Variants in ZC3H12B observed in about 807,000 individuals in gnomAD.
ZC3H12B encodes the protein zinc finger CCCH-type containing 12B, also known as probable ribonuclease ZC3H12B.
In ZC3H12B, 7 loss-of-function variants were observed where a neutral mutation model predicts 43.9. The observed-to-expected ratio is 0.16, with a 90% CI of 0.09 to 0.30. The LOEUF (loss-of-function observed/expected upper bound fraction) is 0.30. Among genes scored for constraint, ZC3H12B ranks in the 10% least tolerant of loss-of-function variants. The probability of loss-of-function intolerance (pLI) is 1.00; values close to 1 mark genes in which losing one functional copy is unlikely to be tolerated. For missense variants in ZC3H12B, 475 were observed against 670.2 expected, an observed-to-expected ratio of 0.71 and a Z score of 3.22; for synonymous variants, 222 against 241.7, an observed-to-expected ratio of 0.92 and a Z score of 0.76.
chrX:65,213,877 C>T, the ZC3H12B span, among the ~76,000 whole-genome samples: 3 of 101,475 alleles, frequency 3.0e-5, no homozygotes, highest in Non-Finnish European at 5.9e-5. Context: ...TTGAAGGCAA[C>T]GTAAAAAAAA....
intron 3 of ZC3H12B, among the ~76,000 whole-genome samples, chrX:65,431,674 C>T (rs1161092093): frequency 1.8e-5 from 2 of 112,297 alleles, no homozygotes; most frequent in Non-Finnish European, 1.9e-5. Context: ...CATTCTTTGC[C>T]CATTCCGAGA....
the ZC3H12B span, among the ~76,000 whole-genome samples, chrX:65,311,658 G>T: frequency 9.0e-6 from 1 of 111,589 alleles, no homozygotes; most frequent in South Asian, 3.8e-4. Flanking sequence ...ATACCCAAAG[G>T]ATTATAAATC....
At chrX:65,395,517 T>G (rs1006518438) in intron 2 of ZC3H12B, among the ~76,000 whole-genome samples, 15 of 112,526 alleles carry the variant, frequency 1.3e-4, no homozygotes, top group African/African-American at 4.8e-4. Flanking sequence ...ATTTATTGAT[T>G]TGCATATGTT....
chrX:65,319,630 C>T, the ZC3H12B span, among the ~76,000 whole-genome samples: 1 of 111,063 alleles, frequency 9.0e-6, no homozygotes, highest in Non-Finnish European at 1.9e-5. Context: ...AAAAAGGAAA[C>T]ATCAGGCCAA....
the ZC3H12B span, among the ~76,000 whole-genome samples, chrX:65,217,153 G>T: frequency 8.9e-6 from 1 of 111,906 alleles, no homozygotes; most frequent in Non-Finnish European, 1.9e-5. Flanking sequence ...ACTTTGTCTG[G>T]GAACCCAGGG....
the ZC3H12B span, among the ~76,000 whole-genome samples, chrX:65,197,032 C>T: frequency 8.9e-6 from 1 of 112,007 alleles, no homozygotes. Flanking sequence ...AAAAGAAAGG[C>T]TTGGCAGCAG....
chrX:65,159,883 G>T, the ZC3H12B span, among the ~76,000 whole-genome samples: 1 of 111,631 alleles, frequency 9.0e-6, no homozygotes, highest in Non-Finnish European at 1.9e-5. Context: ...CATTCAGTAT[G>T]ATATTGGCTG....
chrX:65,379,767 C>T (rs1455256728), intron 2 of ZC3H12B, among the ~76,000 whole-genome samples: 1 of 111,981 alleles, frequency 8.9e-6, no homozygotes, highest in Non-Finnish European at 1.9e-5. Context: ...CTTAAAGGAG[C>T]TGATGGAGCT....
At chrX:65,307,719 CA>C in the ZC3H12B span, among the ~76,000 whole-genome samples, 11 of 111,428 alleles carry the variant, frequency 9.9e-5, no homozygotes, top group Non-Finnish European at 1.3e-4. Context: ...AATTATTGTT[CA>C]CAGAATCAAG....
At chrX:65,286,052 C>G in the ZC3H12B span, among the ~76,000 whole-genome samples, 1 of 111,393 alleles carries the variant, frequency 9.0e-6, no homozygotes, top group African/African-American at 3.3e-5. Context: ...TCCAGAAATC[C>G]CATTACTTGA....
At chrX:65,201,537 C>T in the ZC3H12B span, among the ~76,000 whole-genome samples, 3 of 110,611 alleles carry the variant, frequency 2.7e-5, no homozygotes, top group Non-Finnish European at 3.8e-5. Flanking sequence ...TTTTGTGCCT[C>T]TATCTTTTTC....
the ZC3H12B span, among the ~76,000 whole-genome samples, chrX:65,163,364 C>T: frequency 4.5e-5 from 5 of 111,572 alleles, no homozygotes; most frequent in African/African-American, 1.6e-4. Flanking sequence ...CTGTGCCCTG[C>T]CCCCAGAAGT....
chrX:65,103,116 G>A, the ZC3H12B span, among the ~76,000 whole-genome samples: 18 of 111,201 alleles, frequency 1.6e-4, 1 homozygote, highest in South Asian at 7.7e-4. Context: ...GAATTTCCTC[G>A]TCCTAATAGG....
the ZC3H12B span, chrX:65,357,006 G>GT: frequency 1.9e-6 from 1 of 522,514 alleles, no homozygotes; most frequent in African/African-American, 2.3e-5. Context: ...TAAAATGGAT[G>GT]TTGTTACCTG....
intron 3 of ZC3H12B, among the ~76,000 whole-genome samples, chrX:65,422,925 C>CTTTTTTTTTTTTTTTTTTTTT (rs34567013): frequency 2.2e-5 from 1 of 46,177 alleles, no homozygotes; most frequent in Non-Finnish European, 3.6e-5. Flanking sequence ...TCTTTCTTTG[C>CTTTTTTTTTTTTTTTTTTTTT]TTTTTTTTTT....
chrX:65,090,081 TTTA>T, the ZC3H12B span, among the ~76,000 whole-genome samples: 2 of 112,423 alleles, frequency 1.8e-5, no homozygotes, highest in Non-Finnish European at 3.8e-5. Flanking sequence ...GTAACAGTCA[TTTA>T]TTATTATCAA....
the ZC3H12B span, among the ~76,000 whole-genome samples, chrX:65,085,427 T>C: frequency 1.2e-4 from 13 of 110,956 alleles, no homozygotes; most frequent in Admixed American, 2.9e-4. Context: ...TAAAAAAAAA[T>C]TCAAAAATGT....
At chrX:65,453,051 T>A (rs2067542049) in intron 3 of ZC3H12B, among the ~76,000 whole-genome samples, 1 of 109,736 alleles carries the variant, frequency 9.1e-6, no homozygotes, top group South Asian at 3.9e-4. Context: ...AATGCAAGAC[T>A]AAGCAAAAAG....
chrX:65,361,198 T>C, the ZC3H12B span, among the ~76,000 whole-genome samples: 1 of 112,346 alleles, frequency 8.9e-6, no homozygotes, highest in Non-Finnish European at 1.9e-5. Flanking sequence ...AGCTAATAAC[T>C]GATACATTTT....
Sources: gnomAD v4.1 joint callset for allele counts (sites outside exome capture counted in the v4.1 genomes callset) on GRCh38, gnomAD v4.1.1 for gene constraint, MANE v1.5 for transcripts, NCBI Gene and HGNC (gene_info 2026-07-23, HGNC 2026-07-21) for gene names.